The following EML5 variants were observed in gnomAD, a reference collection of about 807,000 sequenced individuals.
EML5 encodes echinoderm microtubule-associated protein-like 5.
In EML5, 120 loss-of-function variants were observed where a neutral mutation model predicts 250.0. That is an observed-to-expected ratio of 0.48 (90% CI 0.41 to 0.56). The LOEUF (loss-of-function observed/expected upper bound fraction) is 0.56, where lower values mean the gene tolerates loss of function less well. EML5 is among the 20% of genes least tolerant of loss of function. EML5 has a pLI of 0.00. For synonymous variants in EML5, 771 were observed against 806.5 expected, an observed-to-expected ratio of 0.96 and a Z score of 0.75; for missense variants, 2,006 against 2,437.6, an observed-to-expected ratio of 0.82 and a Z score of 3.73.
At chr14:88,767,992 TA>T (rs1173285887) in intron 1 of EML5, among the ~76,000 whole-genome samples, 1 of 152,172 alleles carries the variant, frequency 6.6e-6, no homozygotes, top group African/African-American at 2.4e-5. Flanking sequence ...CCAGTCTCTA[TA>T]AAACTTTCTT....
At chr14:88,737,936 TA>T (rs1343013267) in intron 6 of EML5, among the ~76,000 whole-genome samples, 1 of 152,190 alleles carries the variant, frequency 6.6e-6, no homozygotes, top group African/African-American at 2.4e-5. Flanking sequence ...AATATACTTA[TA>T]ATATCATTAA....
intron 33 of EML5, 107 bp downstream of exon 33, chr14:88,634,362 C>A: frequency 1.4e-6 from 1 of 719,004 alleles, no homozygotes; most frequent in Non-Finnish European, 2.2e-6. Flanking sequence ...TTACCCAGTT[C>A]TTTAATAGTA....
Position 88,792,166 on chromosome 14 carries a change from C to T in EML5, c.197+141G>A, listed in dbSNP as rs2094616183. 2.0e-6 allele frequency: 2 copies of T among 1,001,428 alleles called. No individual in the cohort carries two copies. The highest frequency in any genetic ancestry group is 2.8e-6 in the Non-Finnish European group (2 of 703,508). The allele number at this position is 1,001,428 out of a possible 1,614,324, so 62.0% of individuals were successfully genotyped here. Reference sequence around the variant, plus strand: ...CATTTGTAGGGTGTTAACTGGTGGACTCGGGACCAGAGAGACAGCTGCGGA... The same window carrying T: ...CATTTGTAGGGTGTTAACTGGTGGATTCGGGACCAGAGAGACAGCTGCGGA... On this transcript the variant is annotated intron_variant, in intron 1 of 43. Coordinates refer to ENST00000554922, the MANE Select transcript of EML5 (RefSeq NM_183387.3). This position sits in a 1 kb window ranked among gnomAD's most constrained non-coding sequence, Gnocchi z 6.9.
chr14:88,690,629 T>A (rs781679195), intron 17 of EML5, among the ~76,000 whole-genome samples: 1 of 152,200 alleles, frequency 6.6e-6, no homozygotes, highest in South Asian at 2.1e-4. Flanking sequence ...TGGTTTAGCA[T>A]AGAAGATGAC....
chr14:88,617,563 G>GT (rs1161880642), intron 41 of EML5: 3 of 152,366 alleles, frequency 2.0e-5, no homozygotes, highest in African/African-American at 4.8e-5. Context: ...GAGGCCAAGA[G>GT]TTTGAGACCA....
intron 4 of EML5, among the ~76,000 whole-genome samples, chr14:88,742,352 T>G (rs557436888): frequency 6.6e-6 from 1 of 152,258 alleles, no homozygotes; most frequent in South Asian, 2.1e-4. Context: ...ATTTTAAGTT[T>G]CATTTAACTA....
At chr14:88,712,573 A>T (rs1415710294) in intron 9 of EML5, 90 bp from the exon 10 acceptor site, 2 of 998,976 alleles carry the variant, frequency 2.0e-6, no homozygotes, top group Non-Finnish European at 1.4e-6. Flanking sequence ...AAATTCCAAA[A>T]TTTAATGTAT....
At chr14:88,703,230 T>C (rs2093251646) in intron 13 of EML5, among the ~76,000 whole-genome samples, 1 of 152,160 alleles carries the variant, frequency 6.6e-6, no homozygotes, top group African/African-American at 2.4e-5. Flanking sequence ...ACAAAAACAA[T>C]TGCTTTTTAT....
intron 11 of EML5, 51 bp downstream of exon 11, chr14:88,706,208 A>T: frequency 6.8e-7 from 1 of 1,472,642 alleles, no homozygotes; most frequent in Non-Finnish European, 9.1e-7. Flanking sequence ...TTTGGGGGTT[A>T]CTGAAGAATT....
chr14:88,689,856 T>C (rs1299024327), intron 17 of EML5, among the ~76,000 whole-genome samples: 1 of 152,174 alleles, frequency 6.6e-6, no homozygotes, highest in Non-Finnish European at 1.5e-5. Context: ...TAGAGCTTCA[T>C]GGTGAGAGAC....
chr14:88,715,152 T>C lies in EML5; in HGVS notation c.1231A>G (p.Ile411Val). Reference sequence around the variant, plus strand: ...TCTGGTGAATATTTTAACTCATGAATTGCCTCCTTCCTATCTTTAATATGT... The same window carrying C: ...TCTGGTGAATATTTTAACTCATGAACTGCCTCCTTCCTATCTTTAATATGT... The part of the protein sequence containing the change: ...VVHIKDRKEA[I>V]HELKYSPDGT... Residue 411 changes from isoleucine to valine, a missense_variant, in exon 9 of 44, where the codon ATT becomes GTT. Physicochemically the swap from Ile to Val is conservative, Grantham distance 29 (BLOSUM62 3). Around this residue, in one of 7 missense-constraint regions of EML5, gnomAD observed 1,375 missense variants for 1,590.3 expected, o/e 0.86. Coordinates refer to ENST00000554922, the MANE Select transcript of EML5 (RefSeq NM_183387.3). The C allele has an allele frequency of 6.2e-7, 1 of 1,608,458 alleles. No homozygotes were observed. Among genetic ancestry groups the C allele is most frequent in the Non-Finnish European group, 8.5e-7 (1 of 1,176,980 alleles).
At position 88,688,349 on chromosome 14, in the gene EML5, A is replaced by G. The variant is rs371837079; in HGVS notation, c.2664T>C (p.Cys888=). ...AFSGTSTGDV[C]IWRDIFLVKT... ...TTACAAGAAAGATGTCTCTCCAGAT[A>G]CACACATCTCCTGTGGATGTTCCAG... The change falls in exon 18 of 44, where the codon TGT becomes TGC. Residue 888 remains cysteine (C), a synonymous_variant. Transcript: ENST00000554922. The G allele has an allele frequency of 1.9e-6, 3 of 1,613,914 alleles. No homozygotes were observed. The highest frequency in any genetic ancestry group is 2.5e-6 in the Non-Finnish European group (3 of 1,179,902).
At chr14:88,746,700 G>A (rs919344713) in intron 2 of EML5, among the ~76,000 whole-genome samples, 6 of 152,136 alleles carry the variant, frequency 3.9e-5, no homozygotes, top group African/African-American at 1.4e-4. Flanking sequence ...GTGAATACTT[G>A]TACCCCTGAT....
At chr14:88,769,966 GTTTT>G (rs79797316) in intron 1 of EML5, among the ~76,000 whole-genome samples, 1 of 139,646 alleles carries the variant, frequency 7.2e-6, no homozygotes. Flanking sequence ...ATTATGTGCA[GTTTT>G]TTTTTTTTTT....
rs34191990 is a variant in EML5 at position 88,647,687 on chromosome 14, CAAAAAAA to C, written c.4020-739_4020-733del. Among the ~76,000 whole-genome samples, 66 of 48,756 alleles carry C rather than the reference CAAAAAAA, an allele frequency of 1.4e-3. No individual in the cohort carries two copies. In the East Asian group the frequency reaches 0.033, roughly 24 times the overall value. The allele number at this position is 48,756 out of a possible 152,430, so 32.0% of individuals were successfully genotyped here. A position where few individuals can be genotyped will look rare whatever the true frequency, so the allele number is the denominator to read the frequency against. ...CCTAGGTAACAGAGTGAGACCGTCT[CAAAAAAA>C]AAAAAAAAAAAAAAAAGGGTTACTC... is the stretch of plus-strand genomic sequence containing the variant. On this transcript the variant is annotated intron_variant, in intron 28 of 43. Coordinates refer to ENST00000554922, the MANE Select transcript of EML5 (RefSeq NM_183387.3).
intron 3 of EML5, among the ~76,000 whole-genome samples, chr14:88,745,343 AT>A (rs1295542184): frequency 6.6e-6 from 1 of 152,070 alleles, no homozygotes; most frequent in African/African-American, 2.4e-5. Flanking sequence ...TCAGGTTAGG[AT>A]TTTACTACAT....
At chr14:88,618,091 A>C in intron 41 of EML5, 137 bp downstream of exon 41, 4 of 591,398 alleles carry the variant, frequency 6.8e-6, no homozygotes, top group Non-Finnish European at 1.2e-5. Flanking sequence ...ACATGAACAT[A>C]CCATTTCAAA....
At chr14:88,676,037 A>G (rs1338295139) in intron 21 of EML5, among the ~76,000 whole-genome samples, 1 of 152,186 alleles carries the variant, frequency 6.6e-6, no homozygotes, top group African/African-American at 2.4e-5. Context: ...AAGCCATTCT[A>G]CAAGTCTCTA....
chr14:88,652,440 C>T (rs1460671655), intron 27 of EML5, among the ~76,000 whole-genome samples: 1 of 152,104 alleles, frequency 6.6e-6, no homozygotes, highest in South Asian at 2.1e-4. Flanking sequence ...ATCCCTTTCC[C>T]CGAATATAAA....
Sources: gnomAD v4.1 joint callset for allele counts (sites outside exome capture counted in the v4.1 genomes callset) on GRCh38, gnomAD v4.1.1 for gene constraint, gnomAD v4.1.1 regional missense constraint, Gnocchi (gnomAD v3.1) non-coding constraint, MANE v1.5 for transcripts, NCBI Gene and HGNC (gene_info 2026-07-23, HGNC 2026-07-21) for gene names.